Variants in NFIB observed in about 807,000 individuals in gnomAD.
The protein encoded by NFIB is nuclear factor 1 B-type.
In NFIB, 11 loss-of-function variants were observed where a neutral mutation model predicts 61.5. The observed-to-expected ratio is 0.18, with a 90% CI of 0.11 to 0.30. The LOEUF (loss-of-function observed/expected upper bound fraction) is 0.30, where lower values mean the gene tolerates loss of function less well. Among genes scored for constraint, NFIB ranks in the 10% least tolerant of loss-of-function variants. The pLI is 1.00. For synonymous variants in NFIB, 260 were observed against 216.5 expected, an observed-to-expected ratio of 1.20 and a Z score of -1.76; for missense variants, 471 against 608.9, an observed-to-expected ratio of 0.77 and a Z score of 2.38.
intron 2 of NFIB, among the ~76,000 whole-genome samples, chr9:14,269,006 T>C (rs1365073996): frequency 6.6e-6 from 1 of 152,232 alleles, no homozygotes; most frequent in East Asian, 1.9e-4. Flanking sequence ...TTATTAGCAA[T>C]TGTTTCATGT....
intron 6 of NFIB, among the ~76,000 whole-genome samples, chr9:14,140,858 T>TG (rs900508593): frequency 7.9e-5 from 12 of 152,114 alleles, no homozygotes; most frequent in East Asian, 3.9e-4. Context: ...CACTTGAACC[T>TG]GGGGGGGTCA....
rs570732382 is a variant in NFIB, at chr9:14,283,878, T to C, written c.562+23111A>G. Among the ~76,000 whole-genome samples, 6 of 152,316 alleles carry C rather than the reference T, an allele frequency of 3.9e-5. No homozygotes were observed. The East Asian group carries it at 1.2e-3, about 29-fold the overall frequency. On this transcript the variant is annotated intron_variant, in intron 2 of 10. Transcript: ENST00000380953. ...CAGGAAAAGACAAACCATACAATTA[T>C]TTCTTTGTCTAGGTAGGTAGGTAGG...
intron 6 of NFIB, among the ~76,000 whole-genome samples, chr9:14,127,946 A>C (rs1047244087): frequency 9.9e-5 from 15 of 151,964 alleles, no homozygotes; most frequent in East Asian, 1.9e-4. Flanking sequence ...AAAAAAAAAA[A>C]AAACCAGAAA....
intron 2 of NFIB, among the ~76,000 whole-genome samples, chr9:14,253,205 G>C (rs942199314): frequency 1.3e-5 from 2 of 152,144 alleles, no homozygotes; most frequent in African/African-American, 4.8e-5. Flanking sequence ...CATGTCTTTT[G>C]TCCTGGTCTT....
chr9:14,250,947 G>A (rs2055537035), intron 2 of NFIB, among the ~76,000 whole-genome samples: 1 of 152,132 alleles, frequency 6.6e-6, no homozygotes, highest in Non-Finnish European at 1.5e-5. Context: ...TGAAATCCAT[G>A]GGTATGTGTC....
At chr9:14,358,182 C>A (rs2061198022) in intron 1 of NFIB, among the ~76,000 whole-genome samples, 2 of 149,706 alleles carry the variant, frequency 1.3e-5, no homozygotes, top group African/African-American at 4.9e-5. Flanking sequence ...TAATTAATAT[C>A]TATTTATTGA....
At chr9:14,394,896 A>C (rs1443931597) in intron 1 of NFIB, among the ~76,000 whole-genome samples, 1 of 152,192 alleles carries the variant, frequency 6.6e-6, no homozygotes, top group Admixed American at 6.5e-5. Flanking sequence ...TAAACTCTAA[A>C]GGGCTGTAAG....
the NFIB span, among the ~76,000 whole-genome samples, chr9:14,413,068 A>T: frequency 6.6e-6 from 1 of 152,070 alleles, no homozygotes; most frequent in Non-Finnish European, 1.5e-5. Context: ...GCTTTCAAAG[A>T]ACCCCTGGGT....
chr9:14,143,716 G>A (rs2041992165), intron 6 of NFIB, among the ~76,000 whole-genome samples: 2 of 152,134 alleles, frequency 1.3e-5, no homozygotes. Context: ...AATGACTGGA[G>A]TGGCACTCAA....
intron 1 of NFIB, among the ~76,000 whole-genome samples, chr9:14,390,873 C>T (rs189847646): frequency 3.9e-5 from 6 of 152,274 alleles, no homozygotes; most frequent in Middle Eastern, 6.8e-3. Flanking sequence ...TTTAAGCCAC[C>T]TAGTCTATGG....
At chr9:14,114,023 T>C (rs1465436372) in intron 9 of NFIB, among the ~76,000 whole-genome samples, 1 of 152,212 alleles carries the variant, frequency 6.6e-6, no homozygotes, top group Non-Finnish European at 1.5e-5. Flanking sequence ...ATATTACCTT[T>C]ATTGTTCTGA....
At chr9:14,501,297 T>G in the NFIB span, among the ~76,000 whole-genome samples, 10 of 152,338 alleles carry the variant, frequency 6.6e-5, no homozygotes, top group South Asian at 1.0e-3. Context: ...AAGAAGCTGT[T>G]TTATTTCTGG....
the NFIB span, among the ~76,000 whole-genome samples, chr9:14,417,826 G>A: frequency 7.0e-6 from 1 of 143,848 alleles, no homozygotes; most frequent in Admixed American, 7.2e-5. Flanking sequence ...TGTTGCCCAG[G>A]CTGGAATGCA....
At chr9:14,480,177 A>G in the NFIB span, among the ~76,000 whole-genome samples, 2 of 152,054 alleles carry the variant, frequency 1.3e-5, no homozygotes, top group Non-Finnish European at 2.9e-5. Flanking sequence ...ATCTCCCCAT[A>G]ATTTGAGATG....
At chr9:14,507,879 G>C in the NFIB span, among the ~76,000 whole-genome samples, 1 of 151,796 alleles carries the variant, frequency 6.6e-6, no homozygotes, top group Non-Finnish European at 1.5e-5. Flanking sequence ...GAAATAGACA[G>C]GTGACAAAAT....
the NFIB span, among the ~76,000 whole-genome samples, chr9:14,436,281 G>A: frequency 6.6e-6 from 1 of 152,210 alleles, no homozygotes; most frequent in Non-Finnish European, 1.5e-5. Context: ...AAAGCAGAGA[G>A]CTGGAAATCT....
chr9:14,351,173 A>G (rs568309456), intron 1 of NFIB, among the ~76,000 whole-genome samples: 1 of 152,340 alleles, frequency 6.6e-6, no homozygotes, highest in East Asian at 1.9e-4. Context: ...TGCACCTCCT[A>G]TGGTCCAGTC....
At chr9:14,384,578 G>T (rs2061527575) in intron 1 of NFIB, among the ~76,000 whole-genome samples, 1 of 152,150 alleles carries the variant, frequency 6.6e-6, no homozygotes, top group African/African-American at 2.4e-5. Flanking sequence ...TGTCCAACCA[G>T]GGATTTTACA....
At chr9:14,424,705 G>A in the NFIB span, among the ~76,000 whole-genome samples, 2 of 152,220 alleles carry the variant, frequency 1.3e-5, no homozygotes, top group African/African-American at 4.8e-5. Flanking sequence ...CAGAGGCAGA[G>A]CTCCGAGGGC....
Sources: gnomAD v4.1 joint callset for allele counts (sites outside exome capture counted in the v4.1 genomes callset) on GRCh38, gnomAD v4.1.1 for gene constraint, MANE v1.5 for transcripts, NCBI Gene and HGNC (gene_info 2026-07-23, HGNC 2026-07-21) for gene names.